RAB21: variants seen among roughly 807,000 people sequenced by gnomAD.
RAB21 encodes the protein ras-related protein Rab-21.
A neutral mutation model predicts 33.1 loss-of-function variants in RAB21; 13 were observed. The observed-to-expected ratio is 0.39, with a 90% CI of 0.26 to 0.62. The LOEUF is 0.62. RAB21 is among the 20% of genes least tolerant of loss of function. The pLI is 0.48. For missense variants in RAB21, 234 were observed against 279.1 expected, an observed-to-expected ratio of 0.84 and a Z score of 1.15; for synonymous variants, 91 against 103.7, an observed-to-expected ratio of 0.88 and a Z score of 0.74.
In RAB21 at chr12:71,774,044, TA is replaced by T. The variant is rs373191758; in HGVS notation, c.391+31del. The T allele has an allele frequency of 2.0e-3, 2,921 of 1,480,976 alleles. 20 individuals are homozygous for T. The African/African-American group carries it at 0.021, about 10-fold the overall frequency. The allele number at this position is 1,480,976 out of a possible 1,614,324, so 91.7% of individuals were successfully genotyped here. On this transcript the variant is annotated intron_variant, in intron 4 of 6. Coordinates refer to ENST00000261263, the MANE Select transcript of RAB21 (RefSeq NM_014999.4). Reference sequence around the variant, plus strand: ...GTTGGTAAGCATCATTACTTTTTTCTAAAAAAAAAGTCCTCTGTTTCCTTAA... The same window carrying T: ...GTTGGTAAGCATCATTACTTTTTTCTAAAAAAAAGTCCTCTGTTTCCTTAA...
chr12:71,782,228 A>C, intron 5 of RAB21, 143 bp downstream of exon 5: 1 of 814,202 alleles, frequency 1.2e-6, no homozygotes, highest in Non-Finnish European at 1.9e-6. Context: ...TTTACATGGT[A>C]ATTTCTGGGC....
chr12:71,781,023 A>C (rs1056795766), intron 4 of RAB21, among the ~76,000 whole-genome samples: 10 of 152,120 alleles, frequency 6.6e-5, no homozygotes, highest in African/African-American at 2.4e-4. Context: ...AGTATTTTGC[A>C]GTTTCTTCAT....
chr12:71,755,328 C>T, intron 1 of RAB21, 40 bp downstream of exon 1: 1 of 1,461,978 alleles, frequency 6.8e-7, no homozygotes. Flanking sequence ...CCTCAGGGCC[C>T]CTACCCCTCC....
At position 71,792,410 on chromosome 12, in the gene RAB21, C is replaced by A. The variant is rs1326390677; in HGVS notation, c.*6737C>A. 3 of 152,164 alleles carry A rather than the reference C, an allele frequency of 2.0e-5. No homozygotes were observed. Among genetic ancestry groups the A allele is most frequent in the Admixed American group, 2.0e-4 (3 of 15,282 alleles). The allele number at this position is 152,164 out of a possible 1,614,324, so 9.4% of individuals were successfully genotyped here. On this transcript the variant is annotated 3_prime_UTR_variant, in exon 7 of 7. Transcript: ENST00000261263. ...ACATAAAACTCTGGGTTGGGCTCAT[C>A]CTCTTGGTGTATTTTCCTACTTGGA...
chr12:71,777,237 A>G (rs1309092890), intron 4 of RAB21, among the ~76,000 whole-genome samples: 3 of 152,108 alleles, frequency 2.0e-5, no homozygotes, highest in Non-Finnish European at 4.4e-5. Context: ...CACCCCCGTC[A>G]CTATCCTTTT....
At chr12:71,780,856 T>G (rs1365838716) in intron 4 of RAB21, among the ~76,000 whole-genome samples, 1 of 152,216 alleles carries the variant, frequency 6.6e-6, no homozygotes, top group African/African-American at 2.4e-5. Flanking sequence ...ACCTTATTTA[T>G]AAGATTTCTC....
At position 71,790,778 on chromosome 12, in the gene RAB21, C is replaced by G. The variant is rs1018866432; in HGVS notation, c.*5105C>G. 6.6e-6 allele frequency: 1 copy of G among 151,750 alleles called. No individual in the cohort carries two copies. The highest frequency in any genetic ancestry group is 1.5e-5 in the Non-Finnish European group (1 of 67,956). 9.4% of individuals were successfully genotyped at this position (151,750 alleles called of 1,614,324 possible). A position where few individuals can be genotyped will look rare whatever the true frequency, so the allele number is the denominator to read the frequency against. On this transcript the variant is annotated 3_prime_UTR_variant, in exon 7 of 7. Coordinates refer to ENST00000261263, the MANE Select transcript of RAB21 (RefSeq NM_014999.4). Reference sequence around the variant, plus strand: ...CTTACCCATGTGTTTTGCCATTTGCCTTTTCTCTTGCCAACGTGTCTAGGA... The same window carrying G: ...CTTACCCATGTGTTTTGCCATTTGCGTTTTCTCTTGCCAACGTGTCTAGGA...
Position 71,787,357 on chromosome 12 carries a change from T to G in RAB21, c.*1684T>G, listed in dbSNP as rs1226562269. On this transcript the variant is annotated 3_prime_UTR_variant, in exon 7 of 7. Transcript: ENST00000261263. ...CACAGATTGTAGAGATTAACATAAA[T>G]TGTTCTTGTTCTAATATATATATTT... 5 of 152,138 alleles carry G rather than the reference T, an allele frequency of 3.3e-5. No homozygotes were observed. The highest frequency in any genetic ancestry group is 7.4e-5 in the Non-Finnish European group (5 of 68,012). The allele number at this position is 152,138 out of a possible 1,614,324, so 9.4% of individuals were successfully genotyped here. A position where few individuals can be genotyped will look rare whatever the true frequency, so the allele number is the denominator to read the frequency against.
intron 3 of RAB21, among the ~76,000 whole-genome samples, chr12:71,772,541 A>G (rs1883059141): frequency 6.6e-6 from 1 of 152,150 alleles, no homozygotes; most frequent in Admixed American, 6.5e-5. Context: ...GTGCTTGTGG[A>G]GGGGTATCTA....
intron 6 of RAB21, among the ~76,000 whole-genome samples, chr12:71,784,053 T>TAA (rs1389141995): frequency 6.6e-6 from 1 of 152,356 alleles, no homozygotes; most frequent in South Asian, 2.1e-4. Context: ...TTTGGAAAGT[T>TAA]AAAAATAAGT....
In RAB21 at chr12:71,755,290, T is replaced by A; in HGVS notation, c.159+2T>A. 1 of 1,515,166 alleles carries A rather than the reference T, an allele frequency of 6.6e-7. No individual in the cohort carries two copies. The highest frequency in any genetic ancestry group is 8.8e-7 in the Non-Finnish European group (1 of 1,135,572). 93.9% of individuals were successfully genotyped at this position (1,515,166 alleles called of 1,614,324 possible). On this transcript the variant is annotated splice_donor_variant, in intron 1 of 6. Transcript: ENST00000261263. LOFTEE classifies it high-confidence loss of function. ...GACAAGCACATCACCACTCTGCAGGTGCGGACCTCGGGGAGCGGGAGGGGG... is the reference window on the plus strand; with the variant it reads ...GACAAGCACATCACCACTCTGCAGGAGCGGACCTCGGGGAGCGGGAGGGGG...
At chr12:71,772,840 A>G (rs1337039402) in intron 3 of RAB21, among the ~76,000 whole-genome samples, 1 of 152,218 alleles carries the variant, frequency 6.6e-6, no homozygotes, top group Non-Finnish European at 1.5e-5. Flanking sequence ...CAGTGCTGTT[A>G]TAAAGATAAT....
intron 4 of RAB21, among the ~76,000 whole-genome samples, chr12:71,778,625 G>A (rs983052891): frequency 4.6e-5 from 7 of 152,118 alleles, no homozygotes; most frequent in Non-Finnish European, 8.8e-5. Context: ...AAATAGATAC[G>A]GTTCTTGTCC....
At chr12:71,762,203 CTTTA>C (rs1882882314) in intron 1 of RAB21, among the ~76,000 whole-genome samples, 1 of 152,136 alleles carries the variant, frequency 6.6e-6, no homozygotes, top group Admixed American at 6.5e-5. Flanking sequence ...TTTTGAAAGT[CTTTA>C]TTTGGACTCC....
Position 71,785,573 on chromosome 12 carries a change from A to G in RAB21, c.578A>G (p.Asn193Ser). Residue 193 changes from asparagine (N) to serine (S), a missense_variant, in exon 7 of 7, where the codon AAT becomes AGT. Asn to Ser is a conservative substitution (Grantham distance 46). Coordinates refer to ENST00000261263, the MANE Select transcript of RAB21 (RefSeq NM_014999.4). ...TAQVDERAKG[N>S]GSSQPGTARR... ...CAAGTGGATGAGAGAGCAAAAGGCA[A>G]TGGCTCTAGTCAGCCGGGAACTGCA... The G allele has an allele frequency of 6.2e-7, 1 of 1,614,178 alleles. No homozygotes were observed. The highest frequency in any genetic ancestry group is 1.1e-5 in the South Asian group (1 of 91,084).
At chr12:71,768,138 T>A (rs1882988361) in intron 1 of RAB21, among the ~76,000 whole-genome samples, 1 of 152,180 alleles carries the variant, frequency 6.6e-6, no homozygotes, top group East Asian at 1.9e-4. Flanking sequence ...ACAAAATATC[T>A]TGAGGATAGC....
intron 4 of RAB21, among the ~76,000 whole-genome samples, chr12:71,781,265 C>G (rs184001104): frequency 3.5e-4 from 53 of 152,074 alleles, no homozygotes; most frequent in African/African-American, 1.1e-3. Context: ...GTCAGGAGTT[C>G]GAGACCATCC....
chr12:71,779,561 C>T (rs1592649154), intron 4 of RAB21, among the ~76,000 whole-genome samples: 1 of 152,196 alleles, frequency 6.6e-6, no homozygotes, highest in Non-Finnish European at 1.5e-5. Context: ...CCACTGTGCC[C>T]CACAACCATT....
chr12:71,785,616 T>G lies in RAB21; in HGVS notation c.621T>G (p.Ile207Met). ...QPGTARRGVQ[I>M]IDDEPQAQTS... ...GAACTGCAAGGCGAGGTGTACAGAT[T>G]ATTGATGATGAACCTCAAGCCCAGA... Residue 207 changes from isoleucine (I) to methionine (M), a missense_variant, in exon 7 of 7, where the codon ATT becomes ATG. Physicochemically the swap from Ile to Met is conservative, Grantham distance 10 (BLOSUM62 1). Transcript: ENST00000261263. 2 of 1,614,128 alleles carry G rather than the reference T, an allele frequency of 1.2e-6. No homozygotes were observed. Among genetic ancestry groups the G allele is most frequent in the Non-Finnish European group, 1.7e-6 (2 of 1,180,000 alleles).
Sources: gnomAD v4.1 joint callset for allele counts (sites outside exome capture counted in the v4.1 genomes callset) on GRCh38, gnomAD v4.1.1 for gene constraint, MANE v1.5 for transcripts, NCBI Gene and HGNC (gene_info 2026-07-23, HGNC 2026-07-21) for gene names.